ST18: variants seen among roughly 807,000 people sequenced by gnomAD.
ST18 encodes the protein ST18 C2H2C-type zinc finger transcription factor, also known as suppression of tumorigenicity 18 protein.
Under a neutral mutation model 110.0 loss-of-function variants are expected in ST18, and 50 were observed. The observed-to-expected ratio is 0.45, with a 90% CI of 0.36 to 0.58. The LOEUF is 0.58. Ranked by LOEUF, ST18 falls within the 20% of genes least tolerant of loss-of-function variation. The pLI is 0.00. For missense variants in ST18, 1,306 were observed against 1,280.1 expected (o/e 1.02, Z -0.31); for synonymous variants, 461 against 452.4 (o/e 1.02, Z -0.24).
intron 2 of ST18, among the ~76,000 whole-genome samples, chr8:52,281,420 A>G (rs1174341595): frequency 1.3e-5 from 2 of 152,210 alleles, no homozygotes; most frequent in Non-Finnish European, 1.5e-5. Flanking sequence ...AATTAAGATG[A>G]GAATGATCAA....
At chr8:52,241,842 G>A (rs2093433248) in intron 2 of ST18, among the ~76,000 whole-genome samples, 1 of 151,790 alleles carries the variant, frequency 6.6e-6, no homozygotes, top group South Asian at 2.1e-4. Flanking sequence ...ATCTACCTAG[G>A]AGGAGCTATA....
chr8:52,117,317 A>G (rs1468665748), intron 24 of ST18, among the ~76,000 whole-genome samples: 1 of 152,120 alleles, frequency 6.6e-6, no homozygotes, highest in Non-Finnish European at 1.5e-5. Flanking sequence ...GTCTTTGTGG[A>G]TGGCTTTCTT....
intron 8 of ST18, among the ~76,000 whole-genome samples, chr8:52,209,242 T>C (rs146911459): frequency 1.3e-5 from 2 of 152,298 alleles, no homozygotes; most frequent in African/African-American, 2.4e-5. Context: ...ACAGTATTAA[T>C]TGTGTGTGAG....
intron 9 of ST18, among the ~76,000 whole-genome samples, chr8:52,178,803 A>C (rs1290193468): frequency 6.6e-6 from 1 of 151,896 alleles, no homozygotes; most frequent in African/African-American, 2.4e-5. Flanking sequence ...TAAATACAGA[A>C]AAGCCAAAGA....
intron 8 of ST18, chr8:52,206,535 C>G (rs1000629135): frequency 6.6e-6 from 1 of 152,204 alleles, no homozygotes. Context: ...CACACGGAGC[C>G]CCTCCATCAC....
intron 16 of ST18, among the ~76,000 whole-genome samples, chr8:52,143,310 T>C (rs943836913): frequency 5.9e-5 from 9 of 151,950 alleles, no homozygotes; most frequent in Non-Finnish European, 1.2e-4. Context: ...CATGGTGAAA[T>C]CCCGTCTCTA....
In ST18 at chr8:52,172,306, G is replaced by C. The variant is rs768240065; in HGVS notation, c.555C>G (p.Pro185=). The part of the protein sequence containing the change: ...GRDKIDDSQP[P]FCSSDDNESN... Reference sequence around the variant, plus strand: ...TTTCATTGTCATCAGAGGAGCAGAAGGGTGGCTGAGAATCATCAATCTTGT... The same window carrying C: ...TTTCATTGTCATCAGAGGAGCAGAACGGTGGCTGAGAATCATCAATCTTGT... The change falls in exon 10 of 26, where the codon CCC becomes CCG. Residue 185 remains proline (P), a synonymous_variant. Coordinates refer to ENST00000689386, the MANE Select transcript of ST18 (RefSeq NM_001352837.2). 3.7e-6 allele frequency: 6 copies of C among 1,614,156 alleles called. No homozygotes were observed. Among genetic ancestry groups the C allele is most frequent in the Non-Finnish European group, 3.4e-6 (4 of 1,180,038 alleles).
intron 2 of ST18, chr8:52,404,828 T>G (rs1310180280): frequency 2.6e-5 from 4 of 152,202 alleles, no homozygotes. Flanking sequence ...AGATAAACAG[T>G]AAAAATATCT....
At chr8:52,328,529 C>T (rs1349564216) in intron 2 of ST18, among the ~76,000 whole-genome samples, 3 of 152,104 alleles carry the variant, frequency 2.0e-5, no homozygotes, top group Non-Finnish European at 2.9e-5. Flanking sequence ...ACATGGTGTT[C>T]ACACTTCCAG....
intron 2 of ST18, among the ~76,000 whole-genome samples, chr8:52,284,417 C>T (rs1001760353): frequency 6.6e-6 from 1 of 152,170 alleles, no homozygotes; most frequent in Non-Finnish European, 1.5e-5. Flanking sequence ...TATTACCCAG[C>T]GTGTAAGCCC....
At chr8:52,148,315 T>C (rs929055942) in intron 16 of ST18, among the ~76,000 whole-genome samples, 1 of 152,156 alleles carries the variant, frequency 6.6e-6, no homozygotes, top group Admixed American at 6.6e-5. Context: ...CTAAGGCCAG[T>C]ATGACAGAAT....
intron 2 of ST18, among the ~76,000 whole-genome samples, chr8:52,258,131 T>C (rs1476475400): frequency 1.3e-5 from 2 of 152,222 alleles, no homozygotes; most frequent in East Asian, 3.8e-4. Context: ...ATTTCATTGA[T>C]GTACATATTT....
chr8:52,197,077 T>G (rs2076412977), intron 8 of ST18, among the ~76,000 whole-genome samples: 1 of 152,212 alleles, frequency 6.6e-6, no homozygotes, highest in Non-Finnish European at 1.5e-5. Context: ...AAAAGCCAGG[T>G]CCTAGCAAAG....
intron 2 of ST18, among the ~76,000 whole-genome samples, chr8:52,303,845 C>G (rs1221667642): frequency 6.6e-6 from 1 of 152,116 alleles, no homozygotes; most frequent in Non-Finnish European, 1.5e-5. Context: ...TGGATTGAAT[C>G]GTTTTCTTGT....
intron 2 of ST18, among the ~76,000 whole-genome samples, chr8:52,352,106 G>T (rs115215093): frequency 6.6e-6 from 1 of 152,170 alleles, no homozygotes; most frequent in African/African-American, 2.4e-5. Flanking sequence ...AAGTGTAGTC[G>T]ATTTGGCATG....
intron 2 of ST18, among the ~76,000 whole-genome samples, chr8:52,302,547 G>T (rs966033665): frequency 5.3e-5 from 8 of 152,180 alleles, no homozygotes; most frequent in Non-Finnish European, 1.0e-4. Context: ...GCTAAGTACT[G>T]TTCTCCACTA....
chr8:52,262,190 A>G (rs944788104), intron 2 of ST18, among the ~76,000 whole-genome samples: 1 of 152,206 alleles, frequency 6.6e-6, no homozygotes, highest in African/African-American at 2.4e-5. Context: ...CCACTCTTGC[A>G]ATAATGGAGT....
intron 2 of ST18, among the ~76,000 whole-genome samples, chr8:52,277,754 T>G (rs2095301833): frequency 6.6e-6 from 1 of 152,220 alleles, no homozygotes; most frequent in Non-Finnish European, 1.5e-5. Context: ...GGTCATCTCT[T>G]AACTTAAGGA....
intron 2 of ST18, among the ~76,000 whole-genome samples, chr8:52,338,488 A>C (rs901771735): frequency 3.3e-5 from 5 of 151,746 alleles, no homozygotes; most frequent in Non-Finnish European, 7.4e-5. Flanking sequence ...AGATTGGTAC[A>C]TCTCAGTTCA....
Sources: gnomAD v4.1 joint callset for allele counts (sites outside exome capture counted in the v4.1 genomes callset) on GRCh38, gnomAD v4.1.1 for gene constraint, MANE v1.5 for transcripts, NCBI Gene and HGNC (gene_info 2026-07-23, HGNC 2026-07-21) for gene names.